GTF2E2: variants seen among roughly 807,000 people sequenced by gnomAD.
GTF2E2 encodes transcription initiation factor IIE subunit beta.
GTF2E2 carries 21 observed loss-of-function variants against 40.5 expected under a neutral mutation model. The observed-to-expected ratio is 0.52, with a 90% CI of 0.37 to 0.75. GTF2E2 has a LOEUF of 0.75. Among genes scored for constraint, GTF2E2 ranks in the 30% least tolerant of loss-of-function variants. The pLI is 0.00. For synonymous variants in GTF2E2, 117 were observed against 121.6 expected, an observed-to-expected ratio of 0.96 and a Z score of 0.25; for missense variants, 298 against 338.4, an observed-to-expected ratio of 0.88 and a Z score of 0.94.
intron 3 of GTF2E2, among the ~76,000 whole-genome samples, chr8:30,627,242 A>G (rs987728677): frequency 2.0e-5 from 3 of 152,168 alleles, no homozygotes; most frequent in African/African-American, 7.2e-5. Context: ...TTCACTATAT[A>G]TGTCTTGTAA....
At chr8:30,634,165 T>C (rs1425663881) in intron 3 of GTF2E2, among the ~76,000 whole-genome samples, 1 of 152,172 alleles carries the variant, frequency 6.6e-6, no homozygotes, top group Non-Finnish European at 1.5e-5. Flanking sequence ...TTCAAAGTCT[T>C]GGTCAGGCAT....
intron 6 of GTF2E2, chr8:30,584,856 T>C (rs966282657): frequency 6.6e-6 from 1 of 152,134 alleles, no homozygotes; most frequent in Non-Finnish European, 1.5e-5. Context: ...ACATCTTAAT[T>C]TTTCTGCCTC....
chr8:30,623,722 ATGGTATCTCATTGTGGTTTTGATT>A (rs1336400406), intron 3 of GTF2E2, among the ~76,000 whole-genome samples: 4 of 152,104 alleles, frequency 2.6e-5, no homozygotes, highest in Admixed American at 2.0e-4. Flanking sequence ...CTGGTGTGAG[ATGGTATCTCATTGTGGTTTTGATT>A]TGCATTTCTC....
chr8:30,623,321 T>C (rs557602565), intron 3 of GTF2E2, among the ~76,000 whole-genome samples: 31 of 152,180 alleles, frequency 2.0e-4, no homozygotes, highest in African/African-American at 7.5e-4. Context: ...TTGCGATAGT[T>C]TGCTGAGAAT....
intron 5 of GTF2E2, 96 bp downstream of exon 5, chr8:30,612,203 C>A (rs1829494808): frequency 1.2e-6 from 1 of 843,936 alleles, no homozygotes; most frequent in Admixed American, 2.5e-5. Context: ...ATAATAGAAG[C>A]TTTAAAAACA....
chr8:30,586,718 G>A (rs2978286), intron 6 of GTF2E2, among the ~76,000 whole-genome samples: 60,340 of 151,942 alleles, frequency 0.4, 12,535 homozygotes, highest in African/African-American at 0.53. Flanking sequence ...TTTACAATCC[G>A]CTGATCTTTG....
intron 3 of GTF2E2, among the ~76,000 whole-genome samples, chr8:30,626,402 T>C (rs758862998): frequency 1.3e-5 from 2 of 152,124 alleles, no homozygotes; most frequent in Non-Finnish European, 2.9e-5. Flanking sequence ...GGAGAATCGC[T>C]TGAACCCGAG....
chr8:30,619,388 GA>G (rs913054442), intron 3 of GTF2E2, among the ~76,000 whole-genome samples: 6 of 138,268 alleles, frequency 4.3e-5, no homozygotes, highest in African/African-American at 1.7e-4. Flanking sequence ...TGCATAAACT[GA>G]CTTTTTTTTT....
chr8:30,654,724 C>T (rs919015346), intron 1 of GTF2E2, among the ~76,000 whole-genome samples: 3 of 152,116 alleles, frequency 2.0e-5, no homozygotes, highest in African/African-American at 7.2e-5. Context: ...TTTAATTACA[C>T]GTGTGGCTCA....
intron 6 of GTF2E2, among the ~76,000 whole-genome samples, chr8:30,602,800 G>T (rs900974192): frequency 6.8e-6 from 1 of 147,764 alleles, no homozygotes; most frequent in African/African-American, 2.5e-5. Flanking sequence ...TGAAACAAAA[G>T]CCACTCTAGG....
At chr8:30,587,372 C>T (rs945864070) in intron 6 of GTF2E2, among the ~76,000 whole-genome samples, 4 of 151,382 alleles carry the variant, frequency 2.6e-5, no homozygotes, top group East Asian at 3.9e-4. Flanking sequence ...GAGATCATGC[C>T]GCTGCATTAC....
At chr8:30,599,724 C>T (rs1312767620) in intron 6 of GTF2E2, among the ~76,000 whole-genome samples, 1 of 152,162 alleles carries the variant, frequency 6.6e-6, no homozygotes, top group African/African-American at 2.4e-5. Flanking sequence ...GTGGCTCACA[C>T]CTGTAATCCC....
intron 3 of GTF2E2, among the ~76,000 whole-genome samples, chr8:30,627,904 G>C (rs1801334236): frequency 6.6e-6 from 1 of 152,184 alleles, no homozygotes; most frequent in South Asian, 2.1e-4. Flanking sequence ...CCTCTTGGCA[G>C]ACTTTTTAAA....
At chr8:30,653,405 CCAAA>C in intron 2 of GTF2E2, 24 bp downstream of exon 2, 1 of 1,576,684 alleles carries the variant, frequency 6.3e-7, no homozygotes, top group Non-Finnish European at 8.7e-7. Context: ...TGAATAAAAA[CCAAA>C]CAGTCCTAAA....
intron 2 of GTF2E2, among the ~76,000 whole-genome samples, chr8:30,635,958 G>T (rs748324006): frequency 1.3e-5 from 2 of 152,016 alleles, no homozygotes; most frequent in Non-Finnish European, 2.9e-5. Flanking sequence ...GATAAATTAG[G>T]AATAAAAAGC....
chr8:30,645,481 G>A, intron 2 of GTF2E2: 1 of 1,535,574 alleles, frequency 6.5e-7, no homozygotes, highest in Non-Finnish European at 8.7e-7. Flanking sequence ...CCTTTATGAA[G>A]TGCTTGACTG....
In GTF2E2 at chr8:30,607,113, T is replaced by G. The variant is rs1829337452; in HGVS notation, c.587A>C (p.Asp196Ala). ...GDQILFVNRPDKKKILFFNDK... is the reference protein window; with the variant it reads ...GDQILFVNRPAKKKILFFNDK... ...ATTGAAGAAAAGTATTTTCTTCTTA[T>G]CGGGACGATTTACAAATAGTATCTG... is the stretch of plus-strand genomic sequence containing the variant. The change falls in exon 6 of 8, where the codon GAT becomes GCT. Residue 196 changes from aspartate to alanine, a missense_variant. Transcript: ENST00000355904. 6.7e-7 allele frequency: 1 copy of G among 1,493,786 alleles called. No homozygotes were observed. The allele number at this position is 1,493,786 out of a possible 1,614,324, so 92.5% of individuals were successfully genotyped here.
intron 2 of GTF2E2, among the ~76,000 whole-genome samples, chr8:30,639,736 G>A (rs1464721018): frequency 6.6e-6 from 1 of 151,826 alleles, no homozygotes; most frequent in African/African-American, 2.4e-5. Flanking sequence ...TTACCTTGCT[G>A]GTAAGTTTAT....
At chr8:30,585,224 G>A (rs1323637701) in intron 6 of GTF2E2, 2 of 152,146 alleles carry the variant, frequency 1.3e-5, no homozygotes, top group East Asian at 3.8e-4. Flanking sequence ...AATAATACCT[G>A]CCTCATAGAA....
Sources: gnomAD v4.1 joint callset for allele counts (sites outside exome capture counted in the v4.1 genomes callset) on GRCh38, gnomAD v4.1.1 for gene constraint, MANE v1.5 for transcripts, NCBI Gene and HGNC (gene_info 2026-07-23, HGNC 2026-07-21) for gene names.